Variants in ADAM32 observed in about 807,000 individuals in gnomAD.
The protein encoded by ADAM32 is ADAM metallopeptidase domain 32, also known as disintegrin and metalloproteinase domain-containing protein 32.
In ADAM32, 89 loss-of-function variants were observed where a neutral mutation model predicts 114.9. That is an observed-to-expected ratio of 0.77 (90% CI 0.65 to 0.92). The LOEUF (loss-of-function observed/expected upper bound fraction) is 0.92, where lower values mean the gene tolerates loss of function less well. Ranked by LOEUF, ADAM32 falls within the 40% of genes least tolerant of loss-of-function variation. ADAM32 has a pLI of 0.00. For synonymous variants in ADAM32, 285 were observed against 307.5 expected (o/e 0.93, Z 0.77); for missense variants, 870 against 932.8 (o/e 0.93, Z 0.88).
chr8:39,128,510 A>C (rs1802247595), intron 2 of ADAM32, among the ~76,000 whole-genome samples: 2 of 152,192 alleles, frequency 1.3e-5, no homozygotes, highest in South Asian at 4.1e-4. Flanking sequence ...CATTTAGCCC[A>C]TTAACATTTA....
At chr8:39,265,239 A>G (rs1053983491) in intron 19 of ADAM32, among the ~76,000 whole-genome samples, 4 of 152,156 alleles carry the variant, frequency 2.6e-5, no homozygotes, top group Non-Finnish European at 5.9e-5. Flanking sequence ...TGAACCCTTT[A>G]TCATTATGTA....
intron 11 of ADAM32, among the ~76,000 whole-genome samples, chr8:39,198,227 G>A (rs957400454): frequency 5.9e-5 from 9 of 151,264 alleles, no homozygotes; most frequent in African/African-American, 2.2e-4. Context: ...GTTTTTATAG[G>A]CAGCATATAT....
intron 10 of ADAM32, among the ~76,000 whole-genome samples, chr8:39,179,064 T>G (rs1230747047): frequency 6.6e-6 from 1 of 151,950 alleles, no homozygotes; most frequent in Non-Finnish European, 1.5e-5. Context: ...AGATGTGCTG[T>G]GTTTGGGGGA....
At position 39,257,337 on chromosome 8, in the gene ADAM32, G is replaced by A; in HGVS notation, c.2156G>A (p.Ser719Asn). 1 of 1,612,868 alleles carries A rather than the reference G, an allele frequency of 6.2e-7. No homozygotes were observed. The highest frequency in any genetic ancestry group is 1.7e-5 in the Admixed American group (1 of 59,880). Reference sequence around the variant, plus strand: ...TTCGCCAAGGAAGAGGAATTCCCAAGTAGCGAGTAAATTGCATTTGTGTTC... The same window carrying A: ...TTCGCCAAGGAAGAGGAATTCCCAAATAGCGAGTAAATTGCATTTGTGTTC... ...KWFAKEEEFP[S>N]SESKSEGSTQ... The change falls in exon 19 of 25, where the codon AGT becomes AAT. Residue 719 changes from serine (S) to asparagine (N), a missense_variant. Ser to Asn is a conservative substitution (Grantham distance 46). Transcript: ENST00000379907.
intron 11 of ADAM32, among the ~76,000 whole-genome samples, chr8:39,191,019 C>T (rs1243558966): frequency 6.6e-6 from 1 of 151,602 alleles, no homozygotes; most frequent in African/African-American, 2.4e-5. Context: ...GTTTTCTGTT[C>T]CTGTGTTAGT....
chr8:39,276,355 A>T (rs1813070169), intron 22 of ADAM32: 1 of 151,940 alleles, frequency 6.6e-6, no homozygotes, highest in Non-Finnish European at 1.5e-5. Context: ...TGTTCTCAGT[A>T]TTACTAGGTC....
At chr8:39,277,513 C>A (rs1446896377) in intron 22 of ADAM32, among the ~76,000 whole-genome samples, 1 of 152,212 alleles carries the variant, frequency 6.6e-6, no homozygotes. Flanking sequence ...ATTTCCCTGA[C>A]CCCTTCAGGG....
intron 6 of ADAM32, among the ~76,000 whole-genome samples, chr8:39,154,631 G>C (rs1403625254): frequency 6.6e-6 from 1 of 152,192 alleles, no homozygotes. Flanking sequence ...TTTCACAATG[G>C]TTGAACTAAT....
intron 2 of ADAM32, among the ~76,000 whole-genome samples, chr8:39,133,184 C>A (rs1417202568): frequency 1.3e-5 from 2 of 152,034 alleles, no homozygotes; most frequent in Admixed American, 1.3e-4. Flanking sequence ...TTGGTGCCAT[C>A]CTTATGGTAA....
At chr8:39,179,091 C>G (rs1805693809) in intron 10 of ADAM32, among the ~76,000 whole-genome samples, 1 of 152,160 alleles carries the variant, frequency 6.6e-6, no homozygotes, top group Non-Finnish European at 1.5e-5. Flanking sequence ...CTCATCGAGA[C>G]CACCCAGACT....
intron 10 of ADAM32, among the ~76,000 whole-genome samples, chr8:39,180,820 CTG>C (rs1805827711): frequency 6.6e-6 from 1 of 151,708 alleles, no homozygotes; most frequent in Non-Finnish European, 1.5e-5. Context: ...AATTGGCACT[CTG>C]TATCTAGCTC....
At position 39,235,876 on chromosome 8, in the gene ADAM32, G is replaced by A. The variant is rs568389950; in HGVS notation, c.1818+1794G>A. 5.3e-5 allele frequency among the ~76,000 whole-genome samples: 8 copies of A among 152,178 alleles called. No individual in the cohort carries two copies. The South Asian group carries it at 1.0e-3, about 20-fold the overall frequency. On this transcript the variant is annotated intron_variant, in intron 16 of 24. Transcript: ENST00000379907. The stretch of plus-strand genomic sequence containing the variant: ...GTTAGATTGTTTGTATTTAGAAGAG[G>A]TTTATGATGCCATTTATCTGAAGAA...
intron 22 of ADAM32, among the ~76,000 whole-genome samples, chr8:39,280,792 T>C (rs1392686703): frequency 6.6e-6 from 1 of 152,040 alleles, no homozygotes; most frequent in Admixed American, 6.5e-5. Context: ...TGTTTATTTT[T>C]ATTTTTTTGA....
intron 11 of ADAM32, among the ~76,000 whole-genome samples, chr8:39,208,950 A>G (rs1808032960): frequency 6.6e-6 from 1 of 152,228 alleles, no homozygotes; most frequent in Admixed American, 6.5e-5. Context: ...ACAATTTTCC[A>G]TTATTATTTA....
intron 2 of ADAM32, among the ~76,000 whole-genome samples, chr8:39,127,472 G>A (rs1009775407): frequency 6.6e-6 from 1 of 152,106 alleles, no homozygotes; most frequent in African/African-American, 2.4e-5. Context: ...GCATAGAGGT[G>A]TTTATAGTAT....
intron 11 of ADAM32, among the ~76,000 whole-genome samples, chr8:39,188,474 A>G (rs558925388): frequency 4.1e-4 from 62 of 152,248 alleles, no homozygotes; most frequent in African/African-American, 1.4e-3. Flanking sequence ...AGCTATTCTC[A>G]AGTATGCTAG....
intron 7 of ADAM32, among the ~76,000 whole-genome samples, chr8:39,163,937 A>G (rs1233306117): frequency 6.6e-6 from 1 of 152,240 alleles, no homozygotes; most frequent in Non-Finnish European, 1.5e-5. Flanking sequence ...ACAGTTTGAC[A>G]TAGTTGCAAT....
intron 11 of ADAM32, among the ~76,000 whole-genome samples, chr8:39,191,371 A>C (rs1206525279): frequency 1.3e-5 from 2 of 152,322 alleles, no homozygotes; most frequent in Middle Eastern, 6.8e-3. Context: ...TCCCACCAAC[A>C]GTGTATAAGT....
chr8:39,204,486 T>C (rs576923252), intron 11 of ADAM32, among the ~76,000 whole-genome samples: 1 of 152,340 alleles, frequency 6.6e-6, no homozygotes, highest in East Asian at 1.9e-4. Flanking sequence ...CTCCATCAGG[T>C]CATTTAAGGA....
Sources: gnomAD v4.1 joint callset for allele counts (sites outside exome capture counted in the v4.1 genomes callset) on GRCh38, gnomAD v4.1.1 for gene constraint, MANE v1.5 for transcripts, NCBI Gene and HGNC (gene_info 2026-07-23, HGNC 2026-07-21) for gene names.